RORA: variants seen among roughly 807,000 people sequenced by gnomAD.
The protein encoded by RORA is RAR related orphan receptor A.
A neutral mutation model predicts 69.5 loss-of-function variants in RORA; 7 were observed. The ratio of observed to expected loss-of-function variants is 0.10; its 90% CI spans 0.06 to 0.19. The LOEUF (loss-of-function observed/expected upper bound fraction) is 0.19, where lower values mean the gene tolerates loss of function less well. RORA is among the 10% of genes least tolerant of loss of function. The probability of loss-of-function intolerance (pLI) is 1.00; values close to 1 mark genes in which losing one functional copy is unlikely to be tolerated. For synonymous variants in RORA, 261 were observed against 240.8 expected (o/e 1.08, Z -0.78); for missense variants, 457 against 663.0 (o/e 0.69, Z 3.41).
intron 1 of RORA, among the ~76,000 whole-genome samples, chr15:61,191,854 A>T (rs534671997): frequency 6.6e-6 from 1 of 152,270 alleles, no homozygotes; most frequent in Non-Finnish European, 1.5e-5. Context: ...AATAACAGGA[A>T]TATTTAAAAA....
intron 1 of RORA, among the ~76,000 whole-genome samples, chr15:60,729,670 T>A (rs1304034170): frequency 6.6e-6 from 1 of 152,170 alleles, no homozygotes; most frequent in Non-Finnish European, 1.5e-5. Flanking sequence ...TTACCTTGGG[T>A]AGGGTAGGTT....
intron 1 of RORA, among the ~76,000 whole-genome samples, chr15:61,153,269 T>G (rs2079413670): frequency 6.6e-6 from 1 of 152,210 alleles, no homozygotes; most frequent in Admixed American, 6.5e-5. Context: ...GAACCCATTT[T>G]TAGTAAATAT....
In RORA at chr15:60,628,715, C is replaced by G. The variant is rs1198487427; in HGVS notation, c.196+49942G>C. On this transcript the variant is annotated intron_variant, in intron 2 of 10. Coordinates refer to ENST00000335670, the MANE Select transcript of RORA (RefSeq NM_134261.3). ...TCAGCATCTTCCACATAAATAGAAG[C>G]CTGACTGATGCCCTTGGAGAGGTGA... 2.0e-5 allele frequency among the ~76,000 whole-genome samples: 3 copies of G among 152,136 alleles called. No homozygotes were observed. The East Asian group carries it at 5.8e-4, about 29-fold the overall frequency.
intron 1 of RORA, among the ~76,000 whole-genome samples, chr15:60,763,223 G>T (rs889698478): frequency 2.0e-5 from 3 of 151,946 alleles, no homozygotes; most frequent in African/African-American, 4.8e-5. Flanking sequence ...GAGAGGAAAA[G>T]ACAGCAAGCA....
chr15:60,560,756 C>T (rs1024461854), intron 2 of RORA, among the ~76,000 whole-genome samples: 1 of 152,142 alleles, frequency 6.6e-6, no homozygotes, highest in African/African-American at 2.4e-5. Context: ...ATGTGGCTGC[C>T]TGGGCAATTT....
intron 2 of RORA, among the ~76,000 whole-genome samples, chr15:60,666,329 A>G (rs339975): frequency 0.78 from 116,531 of 149,568 alleles, 45,749 homozygotes; most frequent in East Asian, 1. Context: ...CAGCATGCAT[A>G]GCTACTTAAT....
intron 1 of RORA, among the ~76,000 whole-genome samples, chr15:60,943,272 G>C (rs1260460931): frequency 1.3e-5 from 2 of 152,164 alleles, no homozygotes; most frequent in Admixed American, 1.3e-4. Flanking sequence ...TACACTGTCA[G>C]GTTTGGGGTT....
intron 1 of RORA, among the ~76,000 whole-genome samples, chr15:60,946,514 C>T (rs1160055473): frequency 6.6e-6 from 1 of 152,254 alleles, no homozygotes; most frequent in Non-Finnish European, 1.5e-5. Flanking sequence ...GAGTGATCTG[C>T]CAGCTTCGGC....
intron 1 of RORA, among the ~76,000 whole-genome samples, chr15:60,809,328 T>A: frequency 6.6e-6 from 1 of 152,170 alleles, no homozygotes; most frequent in South Asian, 2.1e-4. Flanking sequence ...ATGTGCACAG[T>A]TAATCCCAAT....
At chr15:61,198,785 TG>T (rs570662729) in intron 1 of RORA, among the ~76,000 whole-genome samples, 43 of 152,196 alleles carry the variant, frequency 2.8e-4, no homozygotes, top group Admixed American at 2.8e-3. Context: ...GGCTCCCGAC[TG>T]CCTGTAAACT....
chr15:60,994,713 T>C (rs966044796), intron 1 of RORA, among the ~76,000 whole-genome samples: 1 of 152,200 alleles, frequency 6.6e-6, no homozygotes, highest in African/African-American at 2.4e-5. Flanking sequence ...AACAGGATGG[T>C]GAGAGGGCAC....
chr15:61,189,384 G>C (rs78962372), intron 1 of RORA, among the ~76,000 whole-genome samples: 80 of 152,258 alleles, frequency 5.3e-4, no homozygotes, highest in African/African-American at 1.9e-3. Context: ...GGCAGCTATG[G>C]GCTCTTGTTT....
intron 1 of RORA, among the ~76,000 whole-genome samples, chr15:61,165,152 T>C (rs1465995161): frequency 9.2e-5 from 14 of 152,170 alleles, no homozygotes; most frequent in Non-Finnish European, 1.5e-4. Context: ...TGTTTCATTC[T>C]TTTCACCTTC....
intron 2 of RORA, among the ~76,000 whole-genome samples, chr15:60,569,066 T>G (rs931324554): frequency 1.8e-4 from 27 of 152,036 alleles, no homozygotes; most frequent in African/African-American, 6.0e-4. Flanking sequence ...TCTTCTGGCA[T>G]TTAGAATCTA....
intron 1 of RORA, among the ~76,000 whole-genome samples, chr15:60,879,766 A>T (rs2073658662): frequency 6.6e-6 from 1 of 152,216 alleles, no homozygotes; most frequent in African/African-American, 2.4e-5. Flanking sequence ...GGGTTCTGGA[A>T]ATTCCACTAT....
At chr15:61,196,779 T>C (rs943186015) in intron 1 of RORA, among the ~76,000 whole-genome samples, 2 of 152,246 alleles carry the variant, frequency 1.3e-5, no homozygotes, top group African/African-American at 4.8e-5. Flanking sequence ...GAATAATTGT[T>C]ACAGTGTTTT....
At chr15:60,908,219 A>C (rs1208641613) in intron 1 of RORA, among the ~76,000 whole-genome samples, 1 of 152,222 alleles carries the variant, frequency 6.6e-6, no homozygotes. Context: ...ATGCACCTTC[A>C]TGCCTGAGCT....
chr15:60,718,688 C>A (rs2140820322), intron 1 of RORA, among the ~76,000 whole-genome samples: 1 of 152,306 alleles, frequency 6.6e-6, no homozygotes, highest in South Asian at 2.1e-4. Flanking sequence ...AGGAATTCAT[C>A]TAACCATCCA....
chr15:60,591,840 GC>G (rs1280993935), intron 2 of RORA, among the ~76,000 whole-genome samples: 2 of 151,962 alleles, frequency 1.3e-5, no homozygotes, highest in African/African-American at 4.8e-5. Flanking sequence ...CACTTGCCCG[GC>G]CGGCGGCCGC....
Sources: gnomAD v4.1 joint callset for allele counts (sites outside exome capture counted in the v4.1 genomes callset) on GRCh38, gnomAD v4.1.1 for gene constraint, MANE v1.5 for transcripts, NCBI Gene and HGNC (gene_info 2026-07-23, HGNC 2026-07-21) for gene names.